The following SLC25A28 variants were observed in gnomAD, a reference collection of about 807,000 sequenced individuals.
SLC25A28 encodes solute carrier family 25 member 28, also known as mitoferrin-2.
In SLC25A28, 10 loss-of-function variants were observed where a neutral mutation model predicts 31.9. That is an observed-to-expected ratio of 0.31 (90% CI 0.19 to 0.53). SLC25A28 has a LOEUF of 0.53. Among genes scored for constraint, SLC25A28 ranks in the 20% least tolerant of loss-of-function variants. The pLI, the probability that SLC25A28 is intolerant of heterozygous loss-of-function variation, is 0.95. For synonymous variants in SLC25A28, 208 were observed against 203.6 expected (o/e 1.02, Z -0.19); for missense variants, 256 against 490.3 (o/e 0.52, Z 4.51).
the SLC25A28 span, among the ~76,000 whole-genome samples, chr10:99,648,687 T>G: frequency 1.8e-4 from 8 of 45,422 alleles, no homozygotes; most frequent in East Asian, 1.3e-3. Flanking sequence ...TATTCCTAGG[T>G]TTTTTTTTTT....
At chr10:99,652,292 C>G in the SLC25A28 span, 11 of 152,346 alleles carry the variant, frequency 7.2e-5, no homozygotes, top group African/African-American at 1.7e-4. Flanking sequence ...ACCCCTTACC[C>G]AGATAGGGAC....
the SLC25A28 span, among the ~76,000 whole-genome samples, chr10:99,629,829 G>T: frequency 6.6e-6 from 1 of 152,176 alleles, no homozygotes; most frequent in Non-Finnish European, 1.5e-5. Flanking sequence ...TAGATGTAGT[G>T]GTTGTACAAC....
chr10:99,641,297 T>C, the SLC25A28 span, among the ~76,000 whole-genome samples: 1 of 152,280 alleles, frequency 6.6e-6, no homozygotes, highest in Admixed American at 6.5e-5. Context: ...GGTTTTGATT[T>C]GCATTTCTCT....
the SLC25A28 span, among the ~76,000 whole-genome samples, chr10:99,645,495 G>A: frequency 4.6e-5 from 7 of 152,200 alleles, no homozygotes; most frequent in South Asian, 2.1e-4. Context: ...CGGTGGGTTC[G>A]AACATTCTCC....
At chr10:99,657,412 C>T in the SLC25A28 span, among the ~76,000 whole-genome samples, 1 of 151,574 alleles carries the variant, frequency 6.6e-6, no homozygotes, top group Non-Finnish European at 1.5e-5. Context: ...GTGGTTAATC[C>T]CAACTTTATG....
upstream of SLC25A28, chr10:99,620,979 G>A (rs887549046): frequency 1.0e-5 from 10 of 985,116 alleles, no homozygotes; most frequent in Middle Eastern, 5.2e-4. Context: ...ATTCTGAGAC[G>A]CGTGGCTGGA....
At chr10:99,616,669 C>G in intron 1 of SLC25A28, 2 of 985,386 alleles carry the variant, frequency 2.0e-6, no homozygotes, top group Non-Finnish European at 2.4e-6. Flanking sequence ...CAGGGACAAG[C>G]TTTACTGTGA....
the SLC25A28 span, among the ~76,000 whole-genome samples, chr10:99,626,100 G>C: frequency 6.6e-6 from 1 of 152,178 alleles, no homozygotes; most frequent in Non-Finnish European, 1.5e-5. Context: ...AGGTCCTACT[G>C]CTGCGTCCGG....
chr10:99,637,542 A>T, the SLC25A28 span, among the ~76,000 whole-genome samples: 3 of 152,038 alleles, frequency 2.0e-5, no homozygotes, highest in East Asian at 5.8e-4. Flanking sequence ...AACCCTAAAG[A>T]CTCCTCCAGA....
chr10:99,633,660 C>T, the SLC25A28 span, among the ~76,000 whole-genome samples: 1 of 104,222 alleles, frequency 9.6e-6, no homozygotes, highest in Admixed American at 1.1e-4. Flanking sequence ...CAGAGGGAGA[C>T]TCTGTCTTAA....
upstream of SLC25A28, among the ~76,000 whole-genome samples, chr10:99,622,286 T>G (rs1704087342): frequency 6.6e-6 from 1 of 152,216 alleles, no homozygotes; most frequent in African/African-American, 2.4e-5. Context: ...GCCGTGTTCA[T>G]GCCACTACAC....
the SLC25A28 span, among the ~76,000 whole-genome samples, chr10:99,658,105 C>T: frequency 6.6e-6 from 1 of 152,098 alleles, no homozygotes; most frequent in Non-Finnish European, 1.5e-5. Context: ...GGGAGGATCG[C>T]TTGCTCAGGA....
chr10:99,638,349 A>G, the SLC25A28 span, among the ~76,000 whole-genome samples: 7 of 152,220 alleles, frequency 4.6e-5, no homozygotes, highest in Admixed American at 1.3e-4. Context: ...AGAAGATAAC[A>G]TTGGACAAAC....
chr10:99,644,885 C>A, the SLC25A28 span, among the ~76,000 whole-genome samples: 28 of 152,330 alleles, frequency 1.8e-4, no homozygotes, highest in Middle Eastern at 3.4e-3. Context: ...TATTGGCCCC[C>A]ACTCTCTTCT....
At chr10:99,614,857 T>C (rs751716392) in intron 1 of SLC25A28, among the ~76,000 whole-genome samples, 6 of 152,104 alleles carry the variant, frequency 3.9e-5, no homozygotes, top group Non-Finnish European at 8.8e-5. Flanking sequence ...ATAGTTAATA[T>C]AAAATCAATG....
chr10:99,620,503 C>T, upstream of SLC25A28: 1 of 1,042,796 alleles, frequency 9.6e-7, no homozygotes, highest in Non-Finnish European at 1.2e-6. Flanking sequence ...GTGGAGACGC[C>T]AAGTTAGACC....
At chr10:99,649,562 C>T in the SLC25A28 span, among the ~76,000 whole-genome samples, 1 of 152,150 alleles carries the variant, frequency 6.6e-6, no homozygotes, top group Non-Finnish European at 1.5e-5. Context: ...TAGAATTTGG[C>T]TGTGAATCCA....
chr10:99,659,147 G>A, the SLC25A28 span, among the ~76,000 whole-genome samples: 10 of 152,322 alleles, frequency 6.6e-5, no homozygotes, highest in Non-Finnish European at 1.2e-4. The surrounding 1 kb of genome is among the most constrained non-coding windows in gnomAD (Gnocchi z 4.1). Context: ...CCACCTACCG[G>A]AGCTACTCTG....
Position 99,615,966 on chromosome 10 carries a change from A to G in SLC25A28, c.292-2042T>C, listed in dbSNP as rs995327810. 4.1e-6 allele frequency: 4 copies of G among 985,346 alleles called. No individual in the cohort carries two copies. The African/African-American group carries it at 5.2e-5, about 13-fold the overall frequency. The allele number at this position is 985,346 out of a possible 1,614,324, so 61.0% of individuals were successfully genotyped here. On this transcript the variant is annotated intron_variant, in intron 1 of 3. Transcript: ENST00000370495. ...TGTGGGAAGCTACTTTGAACATTCT[A>G]TATACACATCTAAATCTAACTCAAC...
Sources: gnomAD v4.1 joint callset for allele counts (sites outside exome capture counted in the v4.1 genomes callset) on GRCh38, gnomAD v4.1.1 for gene constraint, Gnocchi (gnomAD v3.1) non-coding constraint, MANE v1.5 for transcripts, NCBI Gene and HGNC (gene_info 2026-07-23, HGNC 2026-07-21) for gene names.